Variants in SNRNP48 observed in about 807,000 individuals in gnomAD.
SNRNP48 encodes the protein small nuclear ribonucleoprotein U11/U12 subunit 48.
SNRNP48 carries 43 observed loss-of-function variants against 47.0 expected under a neutral mutation model. The ratio of observed to expected loss-of-function variants is 0.92; its 90% CI spans 0.72 to 1.18. SNRNP48 has a LOEUF of 1.18. Among genes scored for constraint, SNRNP48 ranks in the 50% most tolerant of loss-of-function variants. The pLI is 0.00. For missense variants in SNRNP48, 396 were observed against 422.2 expected (o/e 0.94, Z 0.54); for synonymous variants, 138 against 144.0 (o/e 0.96, Z 0.30).
chr6:7,598,525 C>T (rs764303141), intron 4 of SNRNP48, among the ~76,000 whole-genome samples: 1 of 152,006 alleles, frequency 6.6e-6, no homozygotes, highest in Non-Finnish European at 1.5e-5. Flanking sequence ...TTTTTTATAT[C>T]CTCTGTAGAG....
chr6:7,600,295 T>C lies in SNRNP48; in HGVS notation c.407-1041T>C, dbSNP rs549063785. On this transcript the variant is annotated intron_variant, in intron 4 of 8. Coordinates refer to ENST00000342415, the MANE Select transcript of SNRNP48 (RefSeq NM_152551.4). The stretch of plus-strand genomic sequence containing the variant: ...ATGCTTAGTTCATAGTATGCTCTTA[T>C]TTGAATTCTTTTTGCCTCTACCTAG... The C allele has an allele frequency of 1.8e-4, 135 of 763,392 alleles. No homozygotes were observed. The African/African-American group carries it at 2.4e-3, about 14-fold the overall frequency. 47.3% of individuals were successfully genotyped at this position (763,392 alleles called of 1,614,324 possible).
chr6:7,598,682 TTTC>T (rs1316855196), intron 4 of SNRNP48, among the ~76,000 whole-genome samples: 2 of 152,170 alleles, frequency 1.3e-5, no homozygotes, highest in African/African-American at 4.8e-5. Flanking sequence ...AAATTTTACA[TTTC>T]TCCATCTAAT....
chr6:7,595,972 CAT>C lies in SNRNP48; in HGVS notation c.406+873_406+874del, dbSNP rs550771517. ...GAAAGAAAACTTCATCCATCAAAAA[CAT>C]AGACATAGGCCAGACACGGTGGCTC... On this transcript the variant is annotated intron_variant, in intron 4 of 8. Transcript: ENST00000342415. 2.4e-4 allele frequency among the ~76,000 whole-genome samples: 36 copies of C among 152,228 alleles called. No homozygotes were observed. The East Asian group carries it at 6.6e-3, about 28-fold the overall frequency.
At chr6:7,605,121 C>T (rs1760101650) in intron 6 of SNRNP48, among the ~76,000 whole-genome samples, 1 of 152,116 alleles carries the variant, frequency 6.6e-6, no homozygotes, top group Non-Finnish European at 1.5e-5. Flanking sequence ...CCTTTATCCC[C>T]AGTATGTATT....
At chr6:7,592,481 T>C (rs566280634) in intron 1 of SNRNP48, among the ~76,000 whole-genome samples, 143 of 152,238 alleles carry the variant, frequency 9.4e-4, no homozygotes, top group South Asian at 4.1e-4. Context: ...ATACATTTAT[T>C]GAATGCTTGC....
At chr6:7,604,708 GC>G (rs1283682665) in intron 6 of SNRNP48, among the ~76,000 whole-genome samples, 1 of 152,128 alleles carries the variant, frequency 6.6e-6, no homozygotes, top group Non-Finnish European at 1.5e-5. Flanking sequence ...CTAACCCTGT[GC>G]TTGGTGGCAT....
In SNRNP48 at chr6:7,610,660, G is replaced by C. The variant is rs1441898265; in HGVS notation, c.*1787G>C. The stretch of plus-strand genomic sequence containing the variant: ...TAGGAGTGGATTGGAGAAATTGGGG[G>C]GAAATAGAAGAGTACGGAGAAAGGA... On this transcript the variant is annotated 3_prime_UTR_variant, in exon 9 of 9. Coordinates refer to ENST00000342415, the MANE Select transcript of SNRNP48 (RefSeq NM_152551.4). The C allele has an allele frequency of 6.6e-6, 1 of 152,144 alleles. No homozygotes were observed. Among genetic ancestry groups the C allele is most frequent in the Non-Finnish European group, 1.5e-5 (1 of 68,026 alleles). The allele number at this position is 152,144 out of a possible 1,614,324, so 9.4% of individuals were successfully genotyped here.
At chr6:7,604,641 T>A (rs1760090631) in intron 6 of SNRNP48, among the ~76,000 whole-genome samples, 1 of 152,226 alleles carries the variant, frequency 6.6e-6, no homozygotes, top group Non-Finnish European at 1.5e-5. Flanking sequence ...CATTTTCTAT[T>A]TAATCATGAG....
intron 1 of SNRNP48, among the ~76,000 whole-genome samples, chr6:7,593,454 C>T (rs571110525): frequency 3.5e-4 from 54 of 152,126 alleles, no homozygotes; most frequent in African/African-American, 1.3e-3. Flanking sequence ...AGTGAGGAAT[C>T]GTTATAGGTG....
At chr6:7,601,894 C>T (rs1306882543) in intron 5 of SNRNP48, among the ~76,000 whole-genome samples, 2 of 151,908 alleles carry the variant, frequency 1.3e-5, no homozygotes, top group Non-Finnish European at 2.9e-5. Flanking sequence ...TACTCTGTCA[C>T]CCGGGCTGGA....
At chr6:7,605,553 T>G in intron 7 of SNRNP48, 67 bp downstream of exon 7, 2 of 1,442,230 alleles carry the variant, frequency 1.4e-6, no homozygotes, top group East Asian at 2.3e-5. Flanking sequence ...AACTTATAAT[T>G]GTTAAATTTT....
chr6:7,600,286 A>T lies in SNRNP48; in HGVS notation c.407-1050A>T, dbSNP rs116013792. The T allele has an allele frequency of 4.8e-4, 394 of 816,636 alleles. 1 individual carries two copies. The African/African-American group carries it at 6.9e-3, about 14-fold the overall frequency. The allele number at this position is 816,636 out of a possible 1,614,324, so 50.6% of individuals were successfully genotyped here. A position where few individuals can be genotyped will look rare whatever the true frequency, so the allele number is the denominator to read the frequency against. On this transcript the variant is annotated intron_variant, in intron 4 of 8. Transcript: ENST00000342415. ...TTTGTTGTAATGCTTAGTTCATAGT[A>T]TGCTCTTATTTGAATTCTTTTTGCC...
chr6:7,607,482 C>G (rs144344492), intron 8 of SNRNP48, among the ~76,000 whole-genome samples: 1 of 152,326 alleles, frequency 6.6e-6, no homozygotes, highest in East Asian at 1.9e-4. Context: ...CTCATCCACA[C>G]TGTGCCACAT....
At chr6:7,607,806 AC>A (rs1760160712) in intron 8 of SNRNP48, among the ~76,000 whole-genome samples, 1 of 152,234 alleles carries the variant, frequency 6.6e-6, no homozygotes, top group Non-Finnish European at 1.5e-5. Flanking sequence ...CTCCAGGGCC[AC>A]TGGTAATCAG....
chr6:7,601,575 A>T, intron 5 of SNRNP48, 51 bp downstream of exon 5: 1 of 1,449,790 alleles, frequency 6.9e-7, no homozygotes, highest in Non-Finnish European at 9.1e-7. Flanking sequence ...ATTTTATTCT[A>T]TGAGTGTTAT....
At chr6:7,592,903 G>A (rs75110451) in intron 1 of SNRNP48, among the ~76,000 whole-genome samples, 5,830 of 152,222 alleles carry the variant, frequency 0.038, 388 homozygotes, top group African/African-American at 0.13. Flanking sequence ...GTGATTGATT[G>A]GACGTGGGTG....
intron 4 of SNRNP48, among the ~76,000 whole-genome samples, chr6:7,598,766 T>G (rs1487907766): frequency 6.6e-6 from 1 of 152,242 alleles, no homozygotes; most frequent in Non-Finnish European, 1.5e-5. Flanking sequence ...TTTCATTTCA[T>G]CTGTCATGTC....
rs952729189 is a variant in SNRNP48, at chr6:7,609,540, A to G, written c.*667A>G. On this transcript the variant is annotated 3_prime_UTR_variant, in exon 9 of 9. Coordinates refer to ENST00000342415, the MANE Select transcript of SNRNP48 (RefSeq NM_152551.4). ...TACTATGCATTCTCTATGGCTATAT[A>G]ATGTACGTAAATCTATTTTTAAAGG... 2 of 152,200 alleles carry G rather than the reference A, an allele frequency of 1.3e-5. No individual in the cohort carries two copies. Among genetic ancestry groups the G allele is most frequent in the African/African-American group, 4.8e-5 (2 of 41,446 alleles). 9.4% of individuals were successfully genotyped at this position (152,200 alleles called of 1,614,324 possible).
chr6:7,599,891 TGAA>T (rs1275329826), intron 4 of SNRNP48: 1 of 1,012,036 alleles, frequency 9.9e-7, no homozygotes, highest in African/African-American at 1.7e-5. Context: ...ATGAATAAAT[TGAA>T]GAAAAGGCTA....
Sources: gnomAD v4.1 joint callset for allele counts (sites outside exome capture counted in the v4.1 genomes callset) on GRCh38, gnomAD v4.1.1 for gene constraint, MANE v1.5 for transcripts, NCBI Gene and HGNC (gene_info 2026-07-23, HGNC 2026-07-21) for gene names.